DROSHA: variants seen among roughly 807,000 people sequenced by gnomAD.
DROSHA encodes the protein ribonuclease 3.
In DROSHA, 56 loss-of-function variants were observed where a neutral mutation model predicts 181.9. That is an observed-to-expected ratio of 0.31 (90% CI 0.25 to 0.38). The LOEUF (loss-of-function observed/expected upper bound fraction) is 0.38, where lower values mean the gene tolerates loss of function less well. Ranked by LOEUF, DROSHA falls within the 10% of genes least tolerant of loss-of-function variation. The pLI is 1.00. For missense variants in DROSHA, 1,218 were observed against 1,743.5 expected (o/e 0.70, Z 5.37); for synonymous variants, 524 against 591.2 (o/e 0.89, Z 1.65).
intron 30 of DROSHA, among the ~76,000 whole-genome samples, chr5:31,421,009 G>A (rs1221749420): frequency 6.6e-6 from 1 of 151,996 alleles, no homozygotes; most frequent in African/African-American, 2.4e-5. Flanking sequence ...AAACAGACTT[G>A]GTGTCAACTT....
chr5:31,524,672 T>C (rs1403077286), intron 5 of DROSHA, among the ~76,000 whole-genome samples: 1 of 152,178 alleles, frequency 6.6e-6, no homozygotes, highest in Non-Finnish European at 1.5e-5. Context: ...CTGATGTAAG[T>C]TTCCTTCTAG....
At chr5:31,423,502 A>G (rs1432527188) in intron 28 of DROSHA, among the ~76,000 whole-genome samples, 1 of 152,238 alleles carries the variant, frequency 6.6e-6, no homozygotes, top group African/African-American at 2.4e-5. Context: ...GGCAATGAGC[A>G]TCATTAAAAC....
At chr5:31,446,250 C>G (rs116568929) in intron 23 of DROSHA, among the ~76,000 whole-genome samples, 2 of 151,816 alleles carry the variant, frequency 1.3e-5, no homozygotes, top group African/African-American at 2.4e-5. Flanking sequence ...ATCAAGACCA[C>G]CCTGGTTAAC....
chr5:31,508,809 A>C (rs771420556), intron 9 of DROSHA, 34 bp from the exon 10 acceptor site: 89 of 1,572,692 alleles, frequency 5.7e-5, no homozygotes, highest in Non-Finnish European at 7.2e-5. Context: ...ACAGAAATTG[A>C]TGGAATTAAC....
intron 20 of DROSHA, among the ~76,000 whole-genome samples, chr5:31,459,412 C>CT (rs1748098798): frequency 1.2e-5 from 1 of 82,626 alleles, no homozygotes; most frequent in African/African-American, 5.3e-5. Context: ...ACTCCCATGT[C>CT]TTAAAAAAAA....
In DROSHA at chr5:31,515,125, T is replaced by C; in HGVS notation, c.1153A>G (p.Thr385Ala). 2 of 1,614,050 alleles carry C rather than the reference T, an allele frequency of 1.2e-6. No homozygotes were observed. The highest frequency in any genetic ancestry group is 1.1e-5 in the South Asian group (1 of 91,088). Residue 385 changes from threonine (T) to alanine (A), a missense_variant, in exon 8 of 36, where the codon ACC becomes GCC. Physicochemically the swap from Thr to Ala is moderately conservative, Grantham distance 58. Transcript: ENST00000344624. ...NQSSGKDKNY[T>A]SIKEKEPEET... ...TCGGGCTCTTTTTCCTTGATTGAGG[T>C]ATAGTTCTTGTCTTTGCCAGAACTC...
At position 31,526,885 on chromosome 5, in the gene DROSHA, T is replaced by C. The variant is rs369449043; in HGVS notation, c.48A>G (p.Arg16=). Residue 16 remains arginine (R), a synonymous_variant, in exon 5 of 36, where the codon CGA becomes CGG. Transcript: ENST00000344624. ...TCHRMSFHPG[R]GCPRGRGGHG... ...GTCCTCCTCGTCCTCGGGGACACCC[T>C]CGTCCCGGGTGGAACGACATTCTGT... 3 of 1,612,870 alleles carry C rather than the reference T, an allele frequency of 1.9e-6. No homozygotes were observed. The African/African-American group carries it at 4.0e-5, about 22-fold the overall frequency.
chr5:31,441,868 T>C (rs1580105991), intron 23 of DROSHA, among the ~76,000 whole-genome samples: 1 of 152,194 alleles, frequency 6.6e-6, no homozygotes, highest in African/African-American at 2.4e-5. Context: ...CAAAGTACTA[T>C]ACAGAAAAAT....
At chr5:31,489,811 G>A (rs1250422138) in intron 13 of DROSHA, among the ~76,000 whole-genome samples, 1 of 152,210 alleles carries the variant, frequency 6.6e-6, no homozygotes, top group African/African-American at 2.4e-5. Flanking sequence ...AAATGATCCA[G>A]GGGTTCTCCT....
At chr5:31,443,800 G>A (rs577581) in intron 23 of DROSHA, among the ~76,000 whole-genome samples, 3,241 of 152,160 alleles carry the variant, frequency 0.021, 112 homozygotes, top group African/African-American at 0.073. Context: ...TGATCCCCCC[G>A]CTGCCCTATT....
rs1051145528 is a variant in DROSHA at position 31,411,176 on chromosome 5, A to C, written c.3526-289T>G. Among the ~76,000 whole-genome samples the C allele has an allele frequency of 6.6e-6, 1 of 151,676 alleles. No individual in the cohort carries two copies. The highest frequency in any genetic ancestry group is 1.5e-5 in the Non-Finnish European group (1 of 67,960). ...GCAGGGCTGTGGTGGGGGAGGGGGG[A>C]TGTATAATAAGATTTAAGGTCATAG... On this transcript the variant is annotated intron_variant, in intron 30 of 35. Coordinates refer to ENST00000344624, the MANE Select transcript of DROSHA (RefSeq NM_001382508.1). The surrounding 1 kb of genome is among the most constrained non-coding windows in gnomAD (Gnocchi z 4.2).
chr5:31,493,364 G>A, intron 12 of DROSHA, 71 bp from the exon 13 acceptor site: 1 of 1,360,518 alleles, frequency 7.4e-7, no homozygotes, highest in East Asian at 2.6e-5. Flanking sequence ...AAATCCATCA[G>A]GACAGAAAGT....
rs114904513 is a variant in DROSHA, at chr5:31,402,839, G to A, written c.3995-1277C>T. Among the ~76,000 whole-genome samples the A allele has an allele frequency of 2.8e-3, 428 of 152,202 alleles. 3 individuals are homozygous for A. Among genetic ancestry groups the A allele is most frequent in the African/African-American group, 9.8e-3 (408 of 41,510 alleles). ...TTTATTTAGAGATGGAATCTCGCTG[G>A]AGCGCAGTCCCTCAGCTCACTGCAG... On this transcript the variant is annotated intron_variant, in intron 35 of 35. Coordinates refer to ENST00000344624, the MANE Select transcript of DROSHA (RefSeq NM_001382508.1).
intron 13 of DROSHA, among the ~76,000 whole-genome samples, chr5:31,488,286 G>A (rs533571139): frequency 1.8e-4 from 27 of 151,920 alleles, no homozygotes; most frequent in Admixed American, 1.0e-3. Context: ...GCGTGGTGGC[G>A]TCTATAATCC....
chr5:31,410,786 A>G lies in DROSHA; in HGVS notation c.3627T>C (p.Pro1209=), dbSNP rs112898671. 128 of 1,614,012 alleles carry G rather than the reference A, an allele frequency of 7.9e-5. No homozygotes were observed. In the African/African-American group the frequency reaches 1.4e-3, roughly 17 times the overall value. ...YAITNDKTKR[P]VALRTKTLAD... ...CCAAGGTCTTGGTGCGAAGCGCCAC[A>G]GGCCTCTTGGTCTTGTCGTTGGTTA... The change falls in exon 31 of 36, where the codon CCT becomes CCC. Residue 1209 remains proline, a synonymous_variant. Coordinates refer to ENST00000344624, the MANE Select transcript of DROSHA (RefSeq NM_001382508.1).
intron 28 of DROSHA, chr5:31,423,449 T>G (rs1743031282): frequency 6.5e-6 from 1 of 153,040 alleles, no homozygotes. Context: ...ACTACTGCAT[T>G]AAAGTAATTT....
intron 8 of DROSHA, 128 bp from the exon 9 acceptor site, chr5:31,511,304 A>C: frequency 1.1e-6 from 1 of 871,232 alleles, no homozygotes; most frequent in East Asian, 2.7e-5. Flanking sequence ...TAAATTTAAC[A>C]AACATTTAAA....
chr5:31,425,071 G>A (rs1743308663), intron 27 of DROSHA, among the ~76,000 whole-genome samples: 1 of 152,108 alleles, frequency 6.6e-6, no homozygotes, highest in Non-Finnish European at 1.5e-5. Context: ...AGGTTATAAT[G>A]AGAACTTCCT....
chr5:31,503,116 C>A (rs1737493983), intron 11 of DROSHA, among the ~76,000 whole-genome samples: 1 of 151,982 alleles, frequency 6.6e-6, no homozygotes, highest in African/African-American at 2.4e-5. Context: ...ACCAGGGTAC[C>A]AAGCAGACAA....
Sources: allele counts gnomAD v4.1 joint callset (sites outside exome capture counted in the v4.1 genomes callset), GRCh38; gene constraint gnomAD v4.1.1; non-coding constraint Gnocchi (gnomAD v3.1); transcripts MANE v1.5; gene names NCBI Gene and HGNC (gene_info 2026-07-23, HGNC 2026-07-21).